The following SYTL2 variants were observed in gnomAD, a reference collection of about 807,000 sequenced individuals.
SYTL2 encodes the protein synaptotagmin like 2.
A neutral mutation model predicts 198.7 loss-of-function variants in SYTL2; 165 were observed. The observed-to-expected ratio is 0.83, with a 90% CI of 0.73 to 0.94. The LOEUF (loss-of-function observed/expected upper bound fraction) is 0.94, where lower values mean the gene tolerates loss of function less well. SYTL2 is among the 40% of genes least tolerant of loss of function. The pLI is 0.00. For synonymous variants in SYTL2, 966 were observed against 917.7 expected, an observed-to-expected ratio of 1.05 and a Z score of -0.95; for missense variants, 2,835 against 2,582.8, an observed-to-expected ratio of 1.10 and a Z score of -2.12.
In SYTL2 at chr11:85,736,589, G is replaced by T. The variant is rs371204469; in HGVS notation, c.498C>A (p.Ser166=). ...GTGATGAGTGACCTTCTGGCAACTT[G>T]GAGCTATTAAACGGATTCTTCCTCT... The part of the protein sequence containing the change: ...EKQRKNPFNS[S]KLPEGHSSQQ... Residue 166 remains serine, a synonymous_variant, in exon 6 of 20, where the codon TCC becomes TCA. Coordinates refer to ENST00000359152, the MANE Select transcript of SYTL2 (RefSeq NM_206927.4). The T allele has an allele frequency of 3.1e-6, 5 of 1,600,536 alleles. No individual in the cohort carries two copies. In the African/African-American group the frequency reaches 6.7e-5, roughly 22 times the overall value.
intron 4 of SYTL2, among the ~76,000 whole-genome samples, chr11:85,741,733 G>A (rs984265268): frequency 6.6e-6 from 1 of 152,072 alleles, no homozygotes; most frequent in Non-Finnish European, 1.5e-5. Context: ...TCTGGGAGAG[G>A]GAAATTAATA....
In SYTL2 at chr11:85,724,182, C is replaced by A. The variant is rs1273029721; in HGVS notation, c.5176G>T (p.Glu1726Ter). ...ACTTTACTTGTTTTTGTAGAGTTTT[C>A]TTTGTTCATCAGGAGAGGAATGGGT... ...RQPIPLLMNK[E>*]NSTKTSKVEL... Residue 1726 changes from glutamate (E) to a stop codon, truncating the protein, a stop_gained, in exon 8 of 20, where the codon GAA (glutamate) becomes TAA (stop). Transcript: ENST00000359152. LOFTEE classifies it high-confidence loss of function. 1 of 1,603,126 alleles carries A rather than the reference C, an allele frequency of 6.2e-7. No homozygotes were observed. The highest frequency in any genetic ancestry group is 1.4e-5 in the African/African-American group (1 of 73,964).
Position 85,697,969 on chromosome 11 carries a change from A to C in SYTL2, c.6368+10T>G. On this transcript the variant is annotated intron_variant, in intron 18 of 19. Coordinates refer to ENST00000359152, the MANE Select transcript of SYTL2 (RefSeq NM_206927.4). ...AGAACTGTTGCAGACAGAGTCATCA[A>C]TACTATTACCATTTAACAAAAGAAT... The C allele has an allele frequency of 1.9e-6, 3 of 1,582,634 alleles. No individual in the cohort carries two copies. In the East Asian group the frequency reaches 6.7e-5, roughly 35 times the overall value.
intron 1 of SYTL2, among the ~76,000 whole-genome samples, chr11:85,796,732 C>T (rs2092809383): frequency 6.6e-6 from 1 of 152,254 alleles, no homozygotes; most frequent in African/African-American, 2.4e-5. Context: ...AATCTATACA[C>T]AGGATGGCAC....
chr11:85,806,333 AGGTC>A (rs2092958547), intron 1 of SYTL2, among the ~76,000 whole-genome samples: 1 of 152,156 alleles, frequency 6.6e-6, no homozygotes, highest in Non-Finnish European at 1.5e-5. Context: ...CTTAAGAGTG[AGGTC>A]ATGTGCTTCT....
In SYTL2 at chr11:85,725,324, A is replaced by G; in HGVS notation, c.4034T>C (p.Val1345Ala). 1 of 1,614,004 alleles carries G rather than the reference A, an allele frequency of 6.2e-7. No individual in the cohort carries two copies. The highest frequency in any genetic ancestry group is 1.3e-5 in the African/African-American group (1 of 75,046). The part of the protein sequence containing the change: ...QDAHLVPQAR[V>A]HPSQTEISET... ...CGAAATTTCCGTTTGAGAAGGGTGT[A>G]CCCTAGCCTGGGGAACAAGATGAGC... is the stretch of plus-strand genomic sequence containing the variant. The change falls in exon 8 of 20, where the codon GTA becomes GCA. Residue 1345 changes from valine to alanine, a missense_variant. This residue lies in a region of SYTL2 where 2,645 missense variants were observed against 2,381.7 expected (regional missense o/e 1.11). Transcript: ENST00000359152.
chr11:85,706,932 C>T lies in SYTL2; in HGVS notation c.6018+497G>A, dbSNP rs2153406654. Among the ~76,000 whole-genome samples, 2 of 152,156 alleles carry T rather than the reference C, an allele frequency of 1.3e-5. 1 individual carries two copies. The highest frequency in any genetic ancestry group is 2.9e-5 in the Non-Finnish European group (2 of 67,988). On this transcript the variant is annotated intron_variant, in intron 15 of 19. Coordinates refer to ENST00000359152, the MANE Select transcript of SYTL2 (RefSeq NM_206927.4). ...CTTGGCTCACTGCAACCTCCGCCTC[C>T]CTGGTTCAAGTCATTCTCCTGCCTC...
At chr11:85,730,650 A>T (rs2089712947) in intron 7 of SYTL2, among the ~76,000 whole-genome samples, 1 of 152,216 alleles carries the variant, frequency 6.6e-6, no homozygotes, top group African/African-American at 2.4e-5. Context: ...CTGAATGGGC[A>T]AAAGCTGGAA....
At chr11:85,799,747 A>G (rs527963115) in intron 1 of SYTL2, among the ~76,000 whole-genome samples, 16 of 151,608 alleles carry the variant, frequency 1.1e-4, no homozygotes, top group Non-Finnish European at 5.9e-5. Context: ...CCCTCTTACC[A>G]CCCCACCTCC....
chr11:85,756,406 T>C (rs113765227), intron 2 of SYTL2, among the ~76,000 whole-genome samples: 138 of 152,290 alleles, frequency 9.1e-4, no homozygotes, highest in African/African-American at 3.2e-3. Context: ...CCTTCCTCCA[T>C]TGCCAGGTCC....
At chr11:85,702,766 A>G (rs551214093) in intron 16 of SYTL2, among the ~76,000 whole-genome samples, 1 of 152,316 alleles carries the variant, frequency 6.6e-6, no homozygotes, top group Non-Finnish European at 1.5e-5. Flanking sequence ...ACATATGATC[A>G]AAAAATGAAC....
At chr11:85,788,126 C>A (rs2092667582) in intron 1 of SYTL2, among the ~76,000 whole-genome samples, 1 of 152,126 alleles carries the variant, frequency 6.6e-6, no homozygotes. Context: ...GTTCCAGGGT[C>A]CAGTTTTTAA....
the SYTL2 span, among the ~76,000 whole-genome samples, chr11:85,841,506 C>A: frequency 6.6e-6 from 1 of 152,206 alleles, no homozygotes; most frequent in Non-Finnish European, 1.5e-5. Flanking sequence ...AGAATAAGAT[C>A]TTGTCCTTTG....
intron 1 of SYTL2, among the ~76,000 whole-genome samples, chr11:85,771,327 T>A (rs1027106912): frequency 2.6e-5 from 4 of 152,210 alleles, no homozygotes; most frequent in African/African-American, 9.7e-5. Flanking sequence ...AATGGAAACT[T>A]GGCAAGACTC....
chr11:85,725,692 T>C lies in SYTL2; in HGVS notation c.3666A>G (p.Gly1222=), dbSNP rs1300301576. 1.9e-6 allele frequency: 3 copies of C among 1,614,072 alleles called. No individual in the cohort carries two copies. The South Asian group carries it at 3.3e-5, about 18-fold the overall frequency. ...TGGCTTGCAAGGGAGAGGGTGAAGT[T>C]CCAGTTGCTTCCTTCAGGAGTTTGT... ...SLDKLLKEAT[G]TSPSPLQAKL... The change falls in exon 8 of 20, where the codon GGA becomes GGG. Residue 1222 remains glycine (G), a synonymous_variant. Coordinates refer to ENST00000359152, the MANE Select transcript of SYTL2 (RefSeq NM_206927.4).
chr11:85,782,253 T>C (rs1296557332), intron 1 of SYTL2, among the ~76,000 whole-genome samples: 1 of 152,176 alleles, frequency 6.6e-6, no homozygotes, highest in East Asian at 1.9e-4. Context: ...AAGTAACAAC[T>C]TGAGCTGTAC....
At chr11:85,791,706 T>C (rs2092733590) in intron 1 of SYTL2, among the ~76,000 whole-genome samples, 1 of 152,116 alleles carries the variant, frequency 6.6e-6, no homozygotes. Context: ...AAGACTCTTT[T>C]GACTCCCTCT....
At chr11:85,796,927 G>A (rs151019679) in intron 1 of SYTL2, among the ~76,000 whole-genome samples, 3 of 152,250 alleles carry the variant, frequency 2.0e-5, no homozygotes, top group South Asian at 2.1e-4. Context: ...TTGGGCTCAC[G>A]CCTGCAATCC....
the SYTL2 span, among the ~76,000 whole-genome samples, chr11:85,846,355 G>A: frequency 1.3e-5 from 2 of 152,174 alleles, no homozygotes; most frequent in Non-Finnish European, 2.9e-5. Context: ...CAAGGAGAGG[G>A]AACAGAGATG....
Sources: gnomAD v4.1 joint callset for allele counts (sites outside exome capture counted in the v4.1 genomes callset) on GRCh38, gnomAD v4.1.1 for gene constraint, gnomAD v4.1.1 regional missense constraint, MANE v1.5 for transcripts, NCBI Gene and HGNC (gene_info 2026-07-23, HGNC 2026-07-21) for gene names.